The following D2HGDH variants were observed in gnomAD, a reference collection of about 807,000 sequenced individuals.
D2HGDH encodes the protein D-2-hydroxyglutarate dehydrogenase, mitochondrial.
A neutral mutation model predicts 46.9 loss-of-function variants in D2HGDH; 31 were observed. The ratio of observed to expected loss-of-function variants is 0.66; its 90% CI spans 0.50 to 0.89. The LOEUF is 0.89. Among genes scored for constraint, D2HGDH ranks in the 40% least tolerant of loss-of-function variants. D2HGDH has a pLI of 0.00. For missense variants in D2HGDH, 698 were observed against 720.8 expected, an observed-to-expected ratio of 0.97 and a Z score of 0.36; for synonymous variants, 364 against 332.6, an observed-to-expected ratio of 1.09 and a Z score of -1.03.
At chr2:241,751,010 A>T (rs1469362368) in intron 7 of D2HGDH, among the ~76,000 whole-genome samples, 1 of 152,162 alleles carries the variant, frequency 6.6e-6, no homozygotes, top group Non-Finnish European at 1.5e-5. Flanking sequence ...CACCCACCTC[A>T]GCCTCCCAAA....
At chr2:241,755,489 C>A in intron 8 of D2HGDH, 1 of 1,334,202 alleles carries the variant, frequency 7.5e-7, no homozygotes, top group East Asian at 4.8e-5. Context: ...TGGGCGCCTC[C>A]CCCTTCCGTC....
intron 9 of D2HGDH, among the ~76,000 whole-genome samples, chr2:241,762,044 A>G (rs1028995501): frequency 6.7e-6 from 1 of 150,178 alleles, no homozygotes; most frequent in South Asian, 2.1e-4. Context: ...AGAGGGAAAT[A>G]AATAATTTCT....
intron 8 of D2HGDH, chr2:241,755,222 C>A: frequency 7.8e-7 from 1 of 1,287,020 alleles, no homozygotes; most frequent in Non-Finnish European, 1.0e-6. Flanking sequence ...GCCCGCCCAC[C>A]GTGTCCTTCC....
At chr2:241,763,435 C>T (rs550646215) in intron 9 of D2HGDH, among the ~76,000 whole-genome samples, 2 of 152,282 alleles carry the variant, frequency 1.3e-5, no homozygotes, top group Admixed American at 6.5e-5. Flanking sequence ...AAATGCCACA[C>T]CTGCCTGGGG....
chr2:241,758,769 ATGTGTGTGTGTGTGTG>A (rs558559121), intron 9 of D2HGDH, among the ~76,000 whole-genome samples: 16 of 131,896 alleles, frequency 1.2e-4, no homozygotes, highest in Non-Finnish European at 2.5e-4. Flanking sequence ...CCCACAATAT[ATGTGTGTGTGTGTGTG>A]TGTGTGTGTG....
chr2:241,763,413 T>C (rs1182106631), intron 9 of D2HGDH, among the ~76,000 whole-genome samples: 3 of 151,966 alleles, frequency 2.0e-5, no homozygotes, highest in African/African-American at 7.3e-5. Context: ...AAAAGTATGG[T>C]ATAAAAGGTA....
rs146989828 is a variant in D2HGDH, at chr2:241,744,573, G to A, written c.685-136G>A. The A allele has an allele frequency of 1.4e-4, 156 of 1,094,504 alleles. No homozygotes were observed. In the African/African-American group the frequency reaches 1.8e-3, roughly 13 times the overall value. 67.8% of individuals were successfully genotyped at this position (1,094,504 alleles called of 1,614,324 possible). ...CTGCTGTGTGTGGAGGGTGTCACTC[G>A]TACAGGAGGAAAGTCCATCCTTCAG... On this transcript the variant is annotated intron_variant, in intron 5 of 9. Coordinates refer to ENST00000321264, the MANE Select transcript of D2HGDH (RefSeq NM_152783.5).
chr2:241,755,721 T>C (rs1366636774), intron 8 of D2HGDH, 128 bp from the exon 9 acceptor site: 5 of 1,580,720 alleles, frequency 3.2e-6, no homozygotes, highest in Non-Finnish European at 8.5e-7. Context: ...GCATTTGCTG[T>C]CCGGGGTCGG....
chr2:241,755,254 A>T, intron 8 of D2HGDH: 1 of 876,724 alleles, frequency 1.1e-6, no homozygotes, highest in Non-Finnish European at 1.4e-6. Context: ...CCCACCCACC[A>T]TGTCCTTCCC....
chr2:241,736,810 G>A (rs368913158), intron 2 of D2HGDH, among the ~76,000 whole-genome samples: 30 of 151,950 alleles, frequency 2.0e-4, no homozygotes, highest in African/African-American at 6.5e-4. Flanking sequence ...ACAGGTGCCC[G>A]CCACCATGCC....
At chr2:241,763,506 G>T (rs180958518) in intron 9 of D2HGDH, among the ~76,000 whole-genome samples, 179 of 152,308 alleles carry the variant, frequency 1.2e-3, no homozygotes, top group African/African-American at 4.1e-3. Flanking sequence ...GTGGGTGAGC[G>T]TGAGGGGTTG....
At chr2:241,755,774 C>T (rs1360753905) in intron 8 of D2HGDH, 75 bp from the exon 9 acceptor site, 2 of 1,611,870 alleles carry the variant, frequency 1.2e-6, no homozygotes, top group African/African-American at 2.7e-5. Context: ...CTGCCCTAAC[C>T]CCGTGTGGTG....
At chr2:241,761,408 G>A (rs1457022169) in intron 9 of D2HGDH, among the ~76,000 whole-genome samples, 2 of 152,080 alleles carry the variant, frequency 1.3e-5, no homozygotes, top group South Asian at 2.1e-4. Context: ...GCATGGTGGC[G>A]TGTGCCTGTA....
At chr2:241,760,596 C>T (rs1352987142) in intron 9 of D2HGDH, among the ~76,000 whole-genome samples, 2 of 151,446 alleles carry the variant, frequency 1.3e-5, no homozygotes, top group Non-Finnish European at 2.9e-5. Context: ...AAGTCCTTCG[C>T]CACAGTGTGG....
intron 9 of D2HGDH, 103 bp downstream of exon 9, chr2:241,756,117 C>G: frequency 6.9e-7 from 1 of 1,446,530 alleles, no homozygotes; most frequent in Non-Finnish European, 9.1e-7. Flanking sequence ...TGACCATGGT[C>G]TCTGGCTTAG....
chr2:241,761,117 C>T (rs901460066), intron 9 of D2HGDH, among the ~76,000 whole-genome samples: 1 of 152,148 alleles, frequency 6.6e-6, no homozygotes, highest in Non-Finnish European at 1.5e-5. Flanking sequence ...GGCTCCACAT[C>T]TGCAGATTCA....
At chr2:241,752,445 C>T (rs866150130) in intron 8 of D2HGDH, among the ~76,000 whole-genome samples, 1 of 152,132 alleles carries the variant, frequency 6.6e-6, no homozygotes, top group South Asian at 2.1e-4. Context: ...AGCTCCCTTA[C>T]ATTCTGCCGC....
chr2:241,750,391 GCCCGGGCGGGCGGGT>G, intron 7 of D2HGDH, 97 bp downstream of exon 7: 20 of 452,512 alleles, frequency 4.4e-5, no homozygotes, highest in East Asian at 8.3e-5. Context: ...GGCGGGGGGT[GCCCGGGCGGGCGGGT>G]GGGGGGTCCC....
chr2:241,740,582 C>T (rs1358317476), intron 2 of D2HGDH, among the ~76,000 whole-genome samples: 2 of 152,190 alleles, frequency 1.3e-5, no homozygotes, highest in East Asian at 1.9e-4. Context: ...TGCAGTGTTG[C>T]GATCATAGCT....
Sources: gnomAD v4.1 joint callset for allele counts (sites outside exome capture counted in the v4.1 genomes callset) on GRCh38, gnomAD v4.1.1 for gene constraint, MANE v1.5 for transcripts, NCBI Gene and HGNC (gene_info 2026-07-23, HGNC 2026-07-21) for gene names.